Variants in ARB2A observed in about 807,000 individuals in gnomAD.
ARB2A encodes the protein cotranscriptional regulator ARB2A.
the ARB2A span, among the ~76,000 whole-genome samples, chr5:93,909,970 A>C: frequency 6.6e-6 from 1 of 151,024 alleles, no homozygotes; most frequent in Admixed American, 6.6e-5. Context: ...ATAAGTATTA[A>C]CTATAGGAAT....
the ARB2A span, chr5:93,619,902 A>G: frequency 6.6e-6 from 1 of 152,194 alleles, no homozygotes; most frequent in South Asian, 2.1e-4. Flanking sequence ...AACTAAAAGG[A>G]TAATTTTAGC....
the ARB2A span, among the ~76,000 whole-genome samples, chr5:93,660,261 C>G: frequency 6.6e-6 from 1 of 152,024 alleles, no homozygotes; most frequent in Non-Finnish European, 1.5e-5. Flanking sequence ...TAATAACTTG[C>G]TTAGTTACCT....
chr5:93,655,746 A>G, the ARB2A span, among the ~76,000 whole-genome samples: 1 of 152,184 alleles, frequency 6.6e-6, no homozygotes, highest in Non-Finnish European at 1.5e-5. Flanking sequence ...GTGCAGTAGC[A>G]GCCACAGGAC....
chr5:93,893,773 C>T, the ARB2A span, among the ~76,000 whole-genome samples: 1 of 152,148 alleles, frequency 6.6e-6, no homozygotes, highest in Non-Finnish European at 1.5e-5. Context: ...CCAAAGGTGG[C>T]TGTATAAAAT....
chr5:93,856,148 A>G, the ARB2A span, among the ~76,000 whole-genome samples: 1 of 152,218 alleles, frequency 6.6e-6, no homozygotes, highest in African/African-American at 2.4e-5. Context: ...GTTTCTGCCA[A>G]GAGATCCGCT....
At chr5:93,623,728 G>GGGAAATT in the ARB2A span, among the ~76,000 whole-genome samples, 1 of 152,068 alleles carries the variant, frequency 6.6e-6, no homozygotes, top group Non-Finnish European at 1.5e-5. Context: ...GTCAGACGAA[G>GGGAAATT]GGAAATTGCT....
At chr5:93,828,388 CTGTT>C in the ARB2A span, among the ~76,000 whole-genome samples, 3 of 152,184 alleles carry the variant, frequency 2.0e-5, no homozygotes, top group Admixed American at 6.5e-5. Context: ...ATTTGGCTCT[CTGTT>C]TGTCTGTTAT....
the ARB2A span, among the ~76,000 whole-genome samples, chr5:93,800,385 A>T: frequency 9.8e-6 from 1 of 102,008 alleles, no homozygotes; most frequent in African/African-American, 3.2e-5. Flanking sequence ...ATATTTTCAC[A>T]CACACACACA....
At chr5:93,624,022 G>A in the ARB2A span, among the ~76,000 whole-genome samples, 1 of 152,100 alleles carries the variant, frequency 6.6e-6, no homozygotes, top group Non-Finnish European at 1.5e-5. Context: ...AGATGAATAT[G>A]AAACTCTATC....
At chr5:93,993,288 G>GT in the ARB2A span, among the ~76,000 whole-genome samples, 1 of 152,022 alleles carries the variant, frequency 6.6e-6, no homozygotes, top group Non-Finnish European at 1.5e-5. Flanking sequence ...AGAGACAGCT[G>GT]TTTTTTTAGT....
At chr5:93,682,822 G>C in the ARB2A span, 2 of 1,268,162 alleles carry the variant, frequency 1.6e-6, no homozygotes, top group African/African-American at 2.9e-5. Context: ...TTAACAAATT[G>C]TTTAAACTAT....
chr5:93,833,686 T>C, the ARB2A span, among the ~76,000 whole-genome samples: 1 of 152,204 alleles, frequency 6.6e-6, no homozygotes, highest in Non-Finnish European at 1.5e-5. Context: ...CTTTTCTGAA[T>C]GGCCAGAATT....
At chr5:94,039,631 T>C in the ARB2A span, among the ~76,000 whole-genome samples, 6 of 152,290 alleles carry the variant, frequency 3.9e-5, no homozygotes, top group East Asian at 9.7e-4. Context: ...TTCCTCATCA[T>C]TCTTAATAAA....
chr5:93,792,337 G>A, the ARB2A span, among the ~76,000 whole-genome samples: 1 of 152,064 alleles, frequency 6.6e-6, no homozygotes, highest in African/African-American at 2.4e-5. Flanking sequence ...AAAAACTAAG[G>A]CAGGCTCAGC....
At chr5:94,033,129 TGA>T in the ARB2A span, among the ~76,000 whole-genome samples, 2,124 of 152,300 alleles carry the variant, frequency 0.014, 51 homozygotes, top group African/African-American at 0.048. Flanking sequence ...GTAACTTTCC[TGA>T]GGCCTCCCCA....
At chr5:94,019,811 T>C in the ARB2A span, among the ~76,000 whole-genome samples, 1 of 152,244 alleles carries the variant, frequency 6.6e-6, no homozygotes, top group African/African-American at 2.4e-5. Flanking sequence ...TAAATCATTC[T>C]ACTATAAAGG....
the ARB2A span, among the ~76,000 whole-genome samples, chr5:94,088,922 GT>G: frequency 6.6e-6 from 1 of 152,152 alleles, no homozygotes; most frequent in Non-Finnish European, 1.5e-5. Flanking sequence ...TAAAGGATGG[GT>G]TCATTTAATT....
At chr5:93,699,525 G>GT in the ARB2A span, among the ~76,000 whole-genome samples, 284 of 152,112 alleles carry the variant, frequency 1.9e-3, 1 homozygote, top group African/African-American at 6.5e-3. Flanking sequence ...CCTTCCCTCA[G>GT]TTTTTTGACA....
chr5:93,682,931 A>C, the ARB2A span: 47 of 1,577,278 alleles, frequency 3.0e-5, no homozygotes, highest in Middle Eastern at 2.1e-4. Flanking sequence ...TTTGGCTTCC[A>C]CTTTGGGAAG....
Sources: gnomAD v4.1 joint callset for allele counts (sites outside exome capture counted in the v4.1 genomes callset) on GRCh38, gnomAD v4.1.1 for gene constraint, MANE v1.5 for transcripts, NCBI Gene and HGNC (gene_info 2026-07-23, HGNC 2026-07-21) for gene names.